Variants in WDFY4 observed in about 807,000 individuals in gnomAD.
WDFY4 encodes WDFY family member 4.
Under a neutral mutation model 351.9 loss-of-function variants are expected in WDFY4, and 169 were observed. The observed-to-expected ratio is 0.48, with a 90% CI of 0.42 to 0.55. The LOEUF is 0.55. Among genes scored for constraint, WDFY4 ranks in the 20% least tolerant of loss-of-function variants. The pLI is 0.00. For missense variants in WDFY4, 3,803 were observed against 3,935.6 expected (o/e 0.97, Z 0.90); for synonymous variants, 1,622 against 1,574.6 (o/e 1.03, Z -0.71).
At chr10:48,948,663 G>A (rs969560384) in intron 51 of WDFY4, among the ~76,000 whole-genome samples, 1 of 152,214 alleles carries the variant, frequency 6.6e-6, no homozygotes, top group African/African-American at 2.4e-5. Context: ...CTGGAAATGA[G>A]GGTTAATTAT....
chr10:48,947,349 G>C (rs1450514343), intron 51 of WDFY4, among the ~76,000 whole-genome samples: 2 of 152,164 alleles, frequency 1.3e-5, no homozygotes, highest in African/African-American at 4.8e-5. Flanking sequence ...ACAATGAAAA[G>C]AATATGACTC....
intron 51 of WDFY4, among the ~76,000 whole-genome samples, chr10:48,953,028 C>T (rs141545127): frequency 3.0e-4 from 46 of 152,178 alleles, no homozygotes; most frequent in African/African-American, 1.1e-3. Flanking sequence ...TGTCATCCCA[C>T]AGTCCTTCAG....
intron 47 of WDFY4, among the ~76,000 whole-genome samples, chr10:48,911,416 T>C (rs900634232): frequency 2.0e-5 from 3 of 152,226 alleles, no homozygotes; most frequent in Non-Finnish European, 4.4e-5. Flanking sequence ...ATATTTCCAA[T>C]AATGAGGCTA....
At position 48,817,385 on chromosome 10, in the gene WDFY4, C is replaced by T. The variant is rs577169744; in HGVS notation, c.5481C>T (p.Ala1827=). The T allele has an allele frequency of 3.7e-5, 57 of 1,551,094 alleles. No individual in the cohort carries two copies. In the East Asian group the frequency reaches 5.1e-4, roughly 14 times the overall value. The stretch of plus-strand genomic sequence containing the variant: ...AGTTCCTCCAGACCTTGGCCATAGC[C>T]GCCTTCCCCCTGGGAGCCCAAAAGG... The part of the protein sequence containing the change: ...APEFLQTLAI[A]AFPLGAQKGV... Residue 1827 remains alanine, a synonymous_variant, in exon 32 of 62, where the codon GCC becomes GCT. Transcript: ENST00000325239.
chr10:48,755,693 CTA>C (rs2065316546), intron 12 of WDFY4, among the ~76,000 whole-genome samples: 1 of 152,104 alleles, frequency 6.6e-6, no homozygotes. Flanking sequence ...TCTTTGGACA[CTA>C]TTTGATTTCA....
chr10:48,775,136 C>G (rs928907617), intron 14 of WDFY4, among the ~76,000 whole-genome samples: 1 of 152,146 alleles, frequency 6.6e-6, no homozygotes, highest in Non-Finnish European at 1.5e-5. Context: ...TACATGAAGC[C>G]ACATTCCTGG....
At chr10:48,765,998 C>T (rs2065657000) in intron 13 of WDFY4, among the ~76,000 whole-genome samples, 1 of 152,174 alleles carries the variant, frequency 6.6e-6, no homozygotes, top group South Asian at 2.1e-4. Flanking sequence ...GTATTTCAAA[C>T]ACTGAACTAA....
At chr10:48,888,149 T>C (rs1434830216) in intron 43 of WDFY4, among the ~76,000 whole-genome samples, 1 of 152,136 alleles carries the variant, frequency 6.6e-6, no homozygotes, top group Non-Finnish European at 1.5e-5. Flanking sequence ...GTAATGGTGG[T>C]TGCCCCTGGG....
At chr10:48,804,562 C>CAA (rs58660119) in intron 25 of WDFY4, among the ~76,000 whole-genome samples, 8 of 101,644 alleles carry the variant, frequency 7.9e-5, no homozygotes, top group Non-Finnish European at 1.4e-4. Context: ...TGTGTTAATA[C>CAA]AAAAAAAAAA....
intron 40 of WDFY4, among the ~76,000 whole-genome samples, chr10:48,868,132 G>C (rs1014448626): frequency 1.3e-5 from 2 of 152,184 alleles, no homozygotes; most frequent in African/African-American, 4.8e-5. Context: ...CCAGGAAACA[G>C]AAGAGGCACT....
intron 13 of WDFY4, among the ~76,000 whole-genome samples, chr10:48,773,494 A>G (rs2065933280): frequency 6.6e-6 from 1 of 152,216 alleles, no homozygotes; most frequent in South Asian, 2.1e-4. Flanking sequence ...TTTACAATGA[A>G]AGAATGATTG....
At position 48,817,392 on chromosome 10, in the gene WDFY4, C is replaced by G; in HGVS notation, c.5488C>G (p.Pro1830Ala). Reference protein sequence around the residue: ...FLQTLAIAAFPLGAQKGVGAE... With the variant: ...FLQTLAIAAFALGAQKGVGAE... ...CCAGACCTTGGCCATAGCCGCCTTC[C>G]CCCTGGGAGCCCAAAAGGTAGGACA... Residue 1830 changes from proline to alanine, a missense_variant, in exon 32 of 62, where the codon CCC becomes GCC. Physicochemically the swap from Pro to Ala is conservative, Grantham distance 27. Transcript: ENST00000325239. The G allele has an allele frequency of 6.4e-7, 1 of 1,550,622 alleles. No individual in the cohort carries two copies. The highest frequency in any genetic ancestry group is 1.2e-5 in the South Asian group (1 of 84,006).
intron 1 of WDFY4, among the ~76,000 whole-genome samples, chr10:48,709,469 G>A (rs528222880): frequency 1.8e-4 from 27 of 152,096 alleles, no homozygotes; most frequent in African/African-American, 6.3e-4. Flanking sequence ...CTGTAGGAGA[G>A]TCTGTCTGAG....
chr10:48,777,112 G>C, intron 16 of WDFY4, 128 bp downstream of exon 16: 2 of 1,211,804 alleles, frequency 1.7e-6, no homozygotes, highest in Non-Finnish European at 2.3e-6. Flanking sequence ...AAAATGTCTG[G>C]GTCATGGACA....
chr10:48,933,570 T>C (rs1418568574), intron 47 of WDFY4, among the ~76,000 whole-genome samples: 2 of 152,200 alleles, frequency 1.3e-5, no homozygotes, highest in African/African-American at 2.4e-5. Flanking sequence ...ACTTTCTTCC[T>C]AGTCCAGGTC....
Position 48,890,597 on chromosome 10 carries a change from C to T in WDFY4, c.7186C>T (p.Leu2396=), listed in dbSNP as rs759542443. ...CTTCCAGGTGACGCAGAAGTTCTCC[C>T]TGGTGATTGTGCAGGGCCACCTGGT... ...DKEKVTQKFS[L]VIVQGHLVSE... Residue 2396 remains leucine (L), a synonymous_variant, in exon 44 of 62, where the codon CTG becomes TTG. Coordinates refer to ENST00000325239, the MANE Select transcript of WDFY4 (RefSeq NM_001394531.1). 3.9e-6 allele frequency: 6 copies of T among 1,551,742 alleles called. No individual in the cohort carries two copies. Among genetic ancestry groups the T allele is most frequent in the Non-Finnish European group, 5.2e-6 (6 of 1,147,010 alleles).
At chr10:48,714,572 G>A (rs1050175239) in intron 2 of WDFY4, among the ~76,000 whole-genome samples, 5 of 152,204 alleles carry the variant, frequency 3.3e-5, no homozygotes, top group African/African-American at 7.2e-5. Context: ...AGGGAAGAAG[G>A]TGTTCTTCTA....
At chr10:48,928,475 G>T (rs1839774326) in intron 47 of WDFY4, among the ~76,000 whole-genome samples, 1 of 151,846 alleles carries the variant, frequency 6.6e-6, no homozygotes, top group African/African-American at 2.4e-5. Context: ...GACTCCAGGT[G>T]CCAGCCCAGT....
intron 25 of WDFY4, chr10:48,804,837 C>T (rs976911296): frequency 1.9e-5 from 18 of 962,704 alleles, no homozygotes; most frequent in Non-Finnish European, 2.2e-5. Context: ...CGTGTCTCTC[C>T]ACTTTGTGGT....
Sources: gnomAD v4.1 joint callset for allele counts (sites outside exome capture counted in the v4.1 genomes callset) on GRCh38, gnomAD v4.1.1 for gene constraint, MANE v1.5 for transcripts, NCBI Gene and HGNC (gene_info 2026-07-23, HGNC 2026-07-21) for gene names.